The following DNAJC15 variants were observed in gnomAD, a reference collection of about 807,000 sequenced individuals.
DNAJC15 encodes the protein DnaJ heat shock protein family (Hsp40) member C15, also known as dnaJ homolog subfamily C member 15.
Under a neutral mutation model 22.4 loss-of-function variants are expected in DNAJC15, and 27 were observed. The ratio of observed to expected loss-of-function variants is 1.20; its 90% confidence interval spans 0.89 to 1.66. The LOEUF is 1.66. Ranked by LOEUF, DNAJC15 falls within the 40% of genes most tolerant of loss-of-function variation. The probability of loss-of-function intolerance (pLI) is 0.00; values close to 1 mark genes in which losing one functional copy is unlikely to be tolerated. For missense variants in DNAJC15, 208 were observed against 187.1 expected, an observed-to-expected ratio of 1.11 and a Z score of -0.65; for synonymous variants, 79 against 63.2, an observed-to-expected ratio of 1.25 and a Z score of -1.19.
intron 5 of DNAJC15, among the ~76,000 whole-genome samples, chr13:43,088,975 T>G (rs1472145669): frequency 1.3e-5 from 2 of 152,202 alleles, no homozygotes; most frequent in African/African-American, 2.4e-5. Context: ...TTTTGTTTTA[T>G]GCATTGATTT....
chr13:43,105,610 C>G (rs9594888), intron 5 of DNAJC15, among the ~76,000 whole-genome samples: 2,921 of 151,054 alleles, frequency 0.019, 75 homozygotes, highest in South Asian at 0.11. Context: ...ATAAGACTCT[C>G]TATCATCTGT....
chr13:43,056,940 A>T (rs1169967670), intron 1 of DNAJC15, among the ~76,000 whole-genome samples: 2 of 152,170 alleles, frequency 1.3e-5, no homozygotes, highest in Non-Finnish European at 2.9e-5. Context: ...TAGGACCCAG[A>T]TTCCTTCTTG....
intron 5 of DNAJC15, among the ~76,000 whole-genome samples, chr13:43,090,766 G>A (rs1193816307): frequency 6.8e-6 from 1 of 147,374 alleles, no homozygotes; most frequent in African/African-American, 2.5e-5. Flanking sequence ...GGAGTGCAGT[G>A]TTGCGATCTT....
intron 4 of DNAJC15, among the ~76,000 whole-genome samples, chr13:43,083,289 T>G (rs1287634601): frequency 6.6e-6 from 1 of 152,012 alleles, no homozygotes; most frequent in African/African-American, 2.4e-5. Context: ...TGCCTCAGCC[T>G]CCCGAGTAGC....
intron 1 of DNAJC15, among the ~76,000 whole-genome samples, chr13:43,040,059 T>C (rs1173913197): frequency 6.6e-6 from 1 of 152,112 alleles, no homozygotes; most frequent in Non-Finnish European, 1.5e-5. Context: ...CATTTAGGAC[T>C]AGTGAATTAA....
chr13:43,037,643 C>T (rs184034239), intron 1 of DNAJC15, among the ~76,000 whole-genome samples: 10 of 151,836 alleles, frequency 6.6e-5, no homozygotes, highest in African/African-American at 1.9e-4. Context: ...TTTAAAAAGA[C>T]GATTATGTAA....
intron 1 of DNAJC15, among the ~76,000 whole-genome samples, chr13:43,037,974 A>G (rs543916140): frequency 2.8e-4 from 43 of 152,368 alleles, no homozygotes; most frequent in Non-Finnish European, 5.6e-4. Context: ...TGTGGTTGCT[A>G]AACATTCCTC....
chr13:43,100,045 CTT>C (rs1239930685), intron 5 of DNAJC15, among the ~76,000 whole-genome samples: 2 of 151,956 alleles, frequency 1.3e-5, no homozygotes. Flanking sequence ...GATTCAGTCT[CTT>C]GTTGCAGGAA....
In DNAJC15 at chr13:43,108,656, C is replaced by G. The variant is rs891437473; in HGVS notation, c.*1408C>G. The G allele has an allele frequency of 6.6e-6, 1 of 152,160 alleles. No homozygotes were observed. The highest frequency in any genetic ancestry group is 2.1e-4 in the South Asian group (1 of 4,826). 9.4% of individuals were successfully genotyped at this position (152,160 alleles called of 1,614,324 possible). A position where few individuals can be genotyped will look rare whatever the true frequency, so the allele number is the denominator to read the frequency against. On this transcript the variant is annotated 3_prime_UTR_variant, in exon 6 of 6. Coordinates refer to ENST00000379221, the MANE Select transcript of DNAJC15 (RefSeq NM_013238.3). Reference sequence around the variant, plus strand: ...TTTTTTTTGTGGGAGGTCTCTTGTGCGTTTTAGATGATTAGCAATAATCCC... The same window carrying G: ...TTTTTTTTGTGGGAGGTCTCTTGTGGGTTTTAGATGATTAGCAATAATCCC...
At chr13:43,051,633 TGG>T (rs1491303887) in intron 1 of DNAJC15, among the ~76,000 whole-genome samples, 1 of 131,030 alleles carries the variant, frequency 7.6e-6, no homozygotes, top group African/African-American at 3.1e-5. Context: ...TAGTACTTCA[TGG>T]TGTGTGTGTG....
chr13:43,079,802 G>A (rs2040653417), intron 4 of DNAJC15, among the ~76,000 whole-genome samples: 1 of 152,076 alleles, frequency 6.6e-6, no homozygotes. Context: ...GGAGTTGACT[G>A]TATTTTTACA....
chr13:43,114,009 A>C lies in DNAJC15; in HGVS notation c.*6761A>C, dbSNP rs567988401. On this transcript the variant is annotated 3_prime_UTR_variant, in exon 6 of 6. Coordinates refer to ENST00000379221, the MANE Select transcript of DNAJC15 (RefSeq NM_013238.3). Reference sequence around the variant, plus strand: ...CATTTTGTACTCGCTTACATACTACATTCTTGTTTGGGCTTTCGTTTCTTC... The same window carrying C: ...CATTTTGTACTCGCTTACATACTACCTTCTTGTTTGGGCTTTCGTTTCTTC... 9.2e-5 allele frequency: 14 copies of C among 152,260 alleles called. 1 individual carries two copies. The East Asian group carries it at 2.3e-3, about 25-fold the overall frequency. The allele number at this position is 152,260 out of a possible 1,614,324, so 9.4% of individuals were successfully genotyped here. A position where few individuals can be genotyped will look rare whatever the true frequency, so the allele number is the denominator to read the frequency against.
intron 4 of DNAJC15, among the ~76,000 whole-genome samples, chr13:43,081,445 A>AT (rs11384038): frequency 0.25 from 36,821 of 148,812 alleles, 4,812 homozygotes; most frequent in Non-Finnish European, 0.31. Context: ...CACATTTATG[A>AT]TTTTTTTTTT....
At chr13:43,061,830 T>G (rs2040560654) in intron 1 of DNAJC15, among the ~76,000 whole-genome samples, 1 of 152,212 alleles carries the variant, frequency 6.6e-6, no homozygotes, top group Admixed American at 6.5e-5. Context: ...GATGTGAGTG[T>G]GGACAAATGT....
intron 3 of DNAJC15, among the ~76,000 whole-genome samples, chr13:43,077,795 T>C (rs1272773181): frequency 6.6e-6 from 1 of 152,184 alleles, no homozygotes; most frequent in Non-Finnish European, 1.5e-5. Context: ...ATATCCCAAA[T>C]TCAATCCATC....
At chr13:43,091,250 A>G (rs775630449) in intron 5 of DNAJC15, among the ~76,000 whole-genome samples, 1 of 151,834 alleles carries the variant, frequency 6.6e-6, no homozygotes, top group Non-Finnish European at 1.5e-5. Flanking sequence ...ACGCCTGGCT[A>G]ATTTTTGTAG....
chr13:43,054,202 T>G (rs2040518934), intron 1 of DNAJC15, among the ~76,000 whole-genome samples: 1 of 152,204 alleles, frequency 6.6e-6, no homozygotes, highest in Admixed American at 6.5e-5. Context: ...GTATATCACA[T>G]TTATTCACTT....
chr13:43,043,558 A>G (rs746053051), intron 1 of DNAJC15, among the ~76,000 whole-genome samples: 33 of 152,372 alleles, frequency 2.2e-4, no homozygotes, highest in Non-Finnish European at 4.3e-4. Context: ...ATTATTCTTA[A>G]AAAATCATTA....
intron 5 of DNAJC15, among the ~76,000 whole-genome samples, chr13:43,105,512 G>A (rs867828498): frequency 6.6e-6 from 1 of 152,146 alleles, no homozygotes; most frequent in Admixed American, 6.5e-5. Context: ...CTAACTTAGA[G>A]TGAGTGGTAG....
Sources: allele counts gnomAD v4.1 joint callset (sites outside exome capture counted in the v4.1 genomes callset), GRCh38; gene constraint gnomAD v4.1.1; transcripts MANE v1.5; gene names NCBI Gene and HGNC (gene_info 2026-07-23, HGNC 2026-07-21).